EYS: variants seen among roughly 807,000 people sequenced by gnomAD.
EYS encodes the protein EGF-like photoreceptor maintenance factor, also known as protein eyes shut homolog.
Under a neutral mutation model 282.1 loss-of-function variants are expected in EYS, and 250 were observed. The ratio of observed to expected loss-of-function variants is 0.89; its 90% CI spans 0.80 to 0.98. EYS has a LOEUF of 0.98. Among genes scored for constraint, EYS ranks in the 50% least tolerant of loss-of-function variants. The pLI, the probability that EYS is intolerant of heterozygous loss-of-function variation, is 0.00. For synonymous variants in EYS, 1,355 were observed against 1,282.9 expected (o/e 1.06, Z -1.20); for missense variants, 4,016 against 3,709.0 (o/e 1.08, Z -2.15).
At chr6:63,959,603 G>A (rs1355983341) in intron 35 of EYS, among the ~76,000 whole-genome samples, 1 of 152,102 alleles carries the variant, frequency 6.6e-6, no homozygotes, top group East Asian at 1.9e-4. Context: ...CAAAGACCTG[G>A]AACCAACCCA....
intron 35 of EYS, among the ~76,000 whole-genome samples, chr6:63,912,590 A>G (rs1003849644): frequency 6.6e-6 from 1 of 152,156 alleles, no homozygotes; most frequent in Non-Finnish European, 1.5e-5. Flanking sequence ...TATGGTTTAG[A>G]TGTGTGTCCC....
chr6:64,340,948 C>A (rs189346428), intron 29 of EYS, among the ~76,000 whole-genome samples: 2 of 151,802 alleles, frequency 1.3e-5, no homozygotes, highest in Admixed American at 1.3e-4. Context: ...AAATGGCCAA[C>A]AAACATCTGA....
chr6:64,308,918 G>A (rs1302200619), intron 29 of EYS, among the ~76,000 whole-genome samples: 1 of 152,086 alleles, frequency 6.6e-6, no homozygotes, highest in African/African-American at 2.4e-5. Context: ...AGTTGGGAAA[G>A]TACTGATTTG....
chr6:64,385,585 G>A (rs997855402), intron 29 of EYS, among the ~76,000 whole-genome samples: 13 of 152,216 alleles, frequency 8.5e-5, no homozygotes, highest in African/African-American at 3.1e-4. Context: ...CTTTAGTAAA[G>A]GCCAATGTTT....
chr6:64,620,264 A>T, intron 23 of EYS, among the ~76,000 whole-genome samples: 1 of 152,156 alleles, frequency 6.6e-6, no homozygotes, highest in East Asian at 1.9e-4. Flanking sequence ...TCAAGAGCCC[A>T]TTGTGCTAAT....
chr6:65,452,084 T>G (rs9342478), intron 5 of EYS, among the ~76,000 whole-genome samples: 28,026 of 151,618 alleles, frequency 0.18, 3,230 homozygotes, highest in Middle Eastern at 0.3. Flanking sequence ...TTAATTAAAT[T>G]AGTTAATATA....
intron 30 of EYS, among the ~76,000 whole-genome samples, chr6:64,301,700 C>A (rs1295376255): frequency 6.6e-6 from 1 of 152,116 alleles, no homozygotes; most frequent in Non-Finnish European, 1.5e-5. Context: ...GCCATGTAGA[C>A]CTTGCCCTTC....
intron 22 of EYS, among the ~76,000 whole-genome samples, chr6:64,708,486 C>T (rs928556464): frequency 9.8e-5 from 15 of 152,292 alleles, no homozygotes; most frequent in African/African-American, 3.6e-4. Context: ...AAAACTACCT[C>T]ATTTTGTTGG....
intron 5 of EYS, among the ~76,000 whole-genome samples, chr6:65,486,714 A>T (rs1765795899): frequency 6.6e-6 from 1 of 152,228 alleles, no homozygotes; most frequent in Non-Finnish European, 1.5e-5. Context: ...AATGGAAATA[A>T]ATTGAGAGAG....
chr6:64,120,584 C>T (rs1773553657), intron 31 of EYS, among the ~76,000 whole-genome samples: 1 of 151,574 alleles, frequency 6.6e-6, no homozygotes, highest in African/African-American at 2.4e-5. Flanking sequence ...TTATGGCTTC[C>T]TGATAGGTTT....
chr6:65,108,815 T>TTA (rs1055226323), intron 12 of EYS, among the ~76,000 whole-genome samples: 4 of 152,272 alleles, frequency 2.6e-5, no homozygotes, highest in Admixed American at 1.3e-4. Context: ...GTTACTAAAA[T>TTA]TATATATATG....
chr6:64,593,322 A>G lies in EYS; in HGVS notation c.3685-13T>C. ...CAATGGAGCAGGTCTGCAAATGACA[A>G]TTACAGTAATTAAATTAAGCTCAGT... On this transcript the variant is annotated splice_polypyrimidine_tract_variant and intron_variant, in intron 24 of 42. Transcript: ENST00000503581. 1 of 1,531,044 alleles carries G rather than the reference A, an allele frequency of 6.5e-7. No homozygotes were observed. Among genetic ancestry groups the G allele is most frequent in the Admixed American group, 2.1e-5 (1 of 47,688 alleles). 94.8% of individuals were successfully genotyped at this position (1,531,044 alleles called of 1,614,324 possible).
chr6:64,094,633 T>C (rs924081904), intron 31 of EYS, among the ~76,000 whole-genome samples: 5 of 152,226 alleles, frequency 3.3e-5, no homozygotes, highest in Admixed American at 1.3e-4. Context: ...TGCATCTATT[T>C]GATTCTTCTC....
intron 26 of EYS, among the ~76,000 whole-genome samples, chr6:64,494,336 A>C (rs1285953089): frequency 6.6e-6 from 1 of 151,660 alleles, no homozygotes; most frequent in Non-Finnish European, 1.5e-5. Context: ...ATAAAGTCCA[A>C]ATACCTTAGA....
At chr6:63,903,279 G>T (rs72872855) in intron 35 of EYS, among the ~76,000 whole-genome samples, 1 of 152,068 alleles carries the variant, frequency 6.6e-6, no homozygotes, top group East Asian at 1.9e-4. Flanking sequence ...ATACATGTGA[G>T]GGGTAGGAAG....
At chr6:65,163,045 G>A (rs1764889037) in intron 12 of EYS, among the ~76,000 whole-genome samples, 1 of 150,910 alleles carries the variant, frequency 6.6e-6, no homozygotes, top group African/African-American at 2.4e-5. Flanking sequence ...CAAAATTTAG[G>A]GGTCAGGAGT....
At chr6:65,097,649 A>T (rs967234602) in intron 12 of EYS, among the ~76,000 whole-genome samples, 5 of 150,894 alleles carry the variant, frequency 3.3e-5, no homozygotes, top group Admixed American at 1.3e-4. Flanking sequence ...AGTGTGGTAC[A>T]TATGTACGAT....
intron 12 of EYS, among the ~76,000 whole-genome samples, chr6:65,070,990 T>C (rs1773887391): frequency 6.6e-6 from 1 of 151,948 alleles, no homozygotes; most frequent in Non-Finnish European, 1.5e-5. Flanking sequence ...TGTCACTTTT[T>C]TATTTCACAG....
intron 41 of EYS, among the ~76,000 whole-genome samples, chr6:63,745,703 A>T (rs1427993053): frequency 6.6e-6 from 1 of 152,356 alleles, no homozygotes; most frequent in African/African-American, 2.4e-5. Context: ...TATATTTTCA[A>T]AGAAACAAAG....
Sources: gnomAD v4.1 joint callset for allele counts (sites outside exome capture counted in the v4.1 genomes callset) on GRCh38, gnomAD v4.1.1 for gene constraint, MANE v1.5 for transcripts, NCBI Gene and HGNC (gene_info 2026-07-23, HGNC 2026-07-21) for gene names.